Variants in PCDH7 observed in about 807,000 individuals in gnomAD.
The protein encoded by PCDH7 is protocadherin 7.
Under a neutral mutation model 58.9 loss-of-function variants are expected in PCDH7, and 17 were observed. That is an observed-to-expected ratio of 0.29 (90% CI 0.20 to 0.43). The LOEUF (loss-of-function observed/expected upper bound fraction) is 0.43. Ranked by LOEUF, PCDH7 falls within the 20% of genes least tolerant of loss-of-function variation. PCDH7 has a pLI of 1.00. For missense variants in PCDH7, 1,274 were observed against 1,441.0 expected, an observed-to-expected ratio of 0.88 and a Z score of 1.88; for synonymous variants, 664 against 616.4, an observed-to-expected ratio of 1.08 and a Z score of -1.14.
intron 1 of PCDH7, among the ~76,000 whole-genome samples, chr4:30,752,966 C>A (rs538732037): frequency 6.6e-6 from 1 of 152,220 alleles, no homozygotes; most frequent in South Asian, 2.1e-4. Context: ...AAATATTAGA[C>A]TTCAACACGG....
At chr4:31,008,358 G>A (rs957978565) in intron 3 of PCDH7, among the ~76,000 whole-genome samples, 2 of 151,982 alleles carry the variant, frequency 1.3e-5, no homozygotes, top group African/African-American at 4.8e-5. Flanking sequence ...ATGATATGAT[G>A]GTTCGTAAAA....
intron 1 of PCDH7, among the ~76,000 whole-genome samples, chr4:30,779,003 G>GTT (rs386399674): frequency 0.43 from 31,516 of 72,882 alleles, 9,722 homozygotes; most frequent in African/African-American, 0.53. Context: ...TCCTTACTCC[G>GTT]TTTTTTTTTT....
chr4:31,142,196 C>T (rs7675916), intron 3 of PCDH7, among the ~76,000 whole-genome samples: 47,694 of 151,872 alleles, frequency 0.31, 7,919 homozygotes, highest in African/African-American at 0.42. Flanking sequence ...ATGTCCCTGT[C>T]CTGTAACAAA....
At chr4:30,906,745 A>G (rs28670870) in intron 1 of PCDH7, among the ~76,000 whole-genome samples, 117,539 of 152,076 alleles carry the variant, frequency 0.77, 46,241 homozygotes, top group African/African-American at 0.94. Flanking sequence ...ATTATGGACC[A>G]GGCACTGTGA....
intron 3 of PCDH7, among the ~76,000 whole-genome samples, chr4:31,025,798 G>T (rs980994385): frequency 6.6e-6 from 1 of 152,060 alleles, no homozygotes; most frequent in Non-Finnish European, 1.5e-5. Flanking sequence ...TCCAGTCTTC[G>T]TAAATGTAAA....
intron 1 of PCDH7, among the ~76,000 whole-genome samples, chr4:30,882,327 G>T (rs555053557): frequency 6.6e-6 from 1 of 151,804 alleles, no homozygotes; most frequent in Non-Finnish European, 1.5e-5. Flanking sequence ...CAATGGGGCG[G>T]TCATAGGTCA....
At chr4:30,882,491 T>G (rs2109372314) in intron 1 of PCDH7, among the ~76,000 whole-genome samples, 1 of 152,228 alleles carries the variant, frequency 6.6e-6, no homozygotes, top group Middle Eastern at 3.4e-3. Context: ...GCTCCTGGTT[T>G]CAAGCCTGTC....
Position 30,722,084 on chromosome 4 carries a change from G to A in PCDH7, c.662G>A (p.Gly221Asp). Residue 221 changes from glycine to aspartate, a missense_variant, in exon 1 of 2, where the codon GGC becomes GAC. Gly to Asp is a moderately conservative substitution (Grantham distance 94). Around this residue, in one of 3 missense-constraint regions of PCDH7, gnomAD observed 331 missense variants for 303.2 expected, o/e 1.09. Coordinates refer to ENST00000361762, the Ensembl canonical transcript of PCDH7. The surrounding 1 kb of genome is among the most constrained non-coding windows in gnomAD (Gnocchi z 7.6). ...GGCGCGAGCGGCGGCGGCTCGGGAG[G>A]CTCCAAGCGGCGGCTGGACGCATCA... 7.6e-7 allele frequency: 1 copy of A among 1,312,868 alleles called. No homozygotes were observed. The highest frequency in any genetic ancestry group is 9.7e-7 in the Non-Finnish European group (1 of 1,035,340). 81.3% of individuals were successfully genotyped at this position (1,312,868 alleles called of 1,614,324 possible).
At chr4:30,813,769 G>C (rs1038115935) in intron 1 of PCDH7, among the ~76,000 whole-genome samples, 2 of 152,094 alleles carry the variant, frequency 1.3e-5, no homozygotes, top group Non-Finnish European at 2.9e-5. Context: ...AGCATCCTGA[G>C]TCACTGAGAT....
chr4:30,944,051 G>A (rs896873974), intron 2 of PCDH7, among the ~76,000 whole-genome samples: 1 of 152,018 alleles, frequency 6.6e-6, no homozygotes, highest in Admixed American at 6.6e-5. Context: ...TAAGCTGGCA[G>A]TTCTTAAAGC....
chr4:31,028,230 T>A (rs972721052), intron 3 of PCDH7, among the ~76,000 whole-genome samples: 1 of 152,190 alleles, frequency 6.6e-6, no homozygotes, highest in Non-Finnish European at 1.5e-5. Context: ...CACAGGAATA[T>A]TCCTAGAATA....
rs1718606915 is a variant in PCDH7, at chr4:31,128,653, G to A, written c.*8-13820G>A. 2.6e-5 allele frequency among the ~76,000 whole-genome samples: 4 copies of A among 152,092 alleles called. 1 individual carries two copies. The South Asian group carries it at 8.3e-4, about 31-fold the overall frequency. ...ATCCATAAGCAAAGAAGCTTAACAG[G>A]TTAGTTCATGTGTATTTCCTTGTGA... On this transcript the variant is annotated intron_variant, in intron 3 of 3. Coordinates refer to the PCDH7 transcript ENST00000509759.
At chr4:30,724,618 T>A in intron 1 of PCDH7, 22 bp downstream of exon 1, 1 of 1,609,126 alleles carries the variant, frequency 6.2e-7, no homozygotes, top group Non-Finnish European at 8.5e-7. Flanking sequence ...CCCAAATATA[T>A]TTAAATATCC....
chr4:30,955,209 T>A (rs1405533878), intron 3 of PCDH7, among the ~76,000 whole-genome samples: 1 of 152,104 alleles, frequency 6.6e-6, no homozygotes, highest in Admixed American at 6.6e-5. Context: ...GGAAGACAGG[T>A]TGAGGAGAGG....
intron 1 of PCDH7, among the ~76,000 whole-genome samples, chr4:30,826,937 A>G (rs1271510791): frequency 6.6e-6 from 1 of 152,126 alleles, no homozygotes; most frequent in African/African-American, 2.4e-5. Flanking sequence ...CATGCTGCCC[A>G]GGCTAGGAAT....
exon 2 of PCDH7, chr4:30,920,170 G>A (rs771447752): frequency 8.0e-6 from 11 of 1,367,466 alleles, no homozygotes; most frequent in East Asian, 9.1e-5. Flanking sequence ...GTAGAGTGAC[G>A]TTTTCTGTTG....
At position 30,838,253 on chromosome 4, in the gene PCDH7, T is replaced by C. The variant is rs550236987; in HGVS notation, c.71-81900T>C. Among the ~76,000 whole-genome samples the C allele has an allele frequency of 2.1e-4, 32 of 152,262 alleles. 1 individual carries two copies. Among genetic ancestry groups the C allele is most frequent in the African/African-American group, 5.1e-4 (21 of 41,570 alleles). On this transcript the variant is annotated intron_variant, in intron 1 of 3. Transcript: ENST00000509759. ...AAAATGAAATGAAAAATAAAACATT[T>C]TTTAAAGAAACCATAGGCATGTGGT...
rs373107774 is a variant in PCDH7 at position 30,995,633 on chromosome 4, C to T, written c.*7+45418C>T. Among the ~76,000 whole-genome samples, 25 of 152,182 alleles carry T rather than the reference C, an allele frequency of 1.6e-4. No homozygotes were observed. The South Asian group carries it at 5.2e-3, about 32-fold the overall frequency. On this transcript the variant is annotated intron_variant, in intron 3 of 3. Coordinates refer to the PCDH7 transcript ENST00000509759. Reference sequence around the variant, plus strand: ...TTTATTATCTTACAGTTCTGGAGTTCGGAAGTCCAAAGTGTATCTCACTGA... The same window carrying T: ...TTTATTATCTTACAGTTCTGGAGTTTGGAAGTCCAAAGTGTATCTCACTGA...
At chr4:30,800,837 C>G (rs1194881598) in intron 1 of PCDH7, among the ~76,000 whole-genome samples, 1 of 152,178 alleles carries the variant, frequency 6.6e-6, no homozygotes, top group Non-Finnish European at 1.5e-5. Context: ...GAAAGAGAAA[C>G]TGGACTTAGC....
Sources: allele counts gnomAD v4.1 joint callset (sites outside exome capture counted in the v4.1 genomes callset), GRCh38; gene constraint gnomAD v4.1.1; regional missense constraint gnomAD v4.1.1; non-coding constraint Gnocchi (gnomAD v3.1); transcripts MANE v1.5; gene names NCBI Gene and HGNC (gene_info 2026-07-23, HGNC 2026-07-21).